Variants in COPS4 observed in about 807,000 individuals in gnomAD.
COPS4 encodes the protein COP9 signalosome subunit 4, also known as COP9 signalosome complex subunit 4.
Under a neutral mutation model 55.1 loss-of-function variants are expected in COPS4, and 8 were observed. The observed-to-expected ratio is 0.15, with a 90% confidence interval of 0.09 to 0.26. COPS4 has a LOEUF of 0.26. Among genes scored for constraint, COPS4 ranks in the 10% least tolerant of loss-of-function variants. COPS4 has a pLI of 1.00. For synonymous variants in COPS4, 185 were observed against 165.7 expected (o/e 1.12, Z -0.90); for missense variants, 248 against 484.0 (o/e 0.51, Z 4.58).
At chr4:83,048,683 C>G (rs1167211357) in intron 2 of COPS4, among the ~76,000 whole-genome samples, 1 of 151,784 alleles carries the variant, frequency 6.6e-6, no homozygotes, top group Non-Finnish European at 1.5e-5. Context: ...GCTCTGTTGC[C>G]CAGGCTGGAG....
chr4:83,075,300 G>A lies in COPS4; in HGVS notation c.1091G>A (p.Arg364Gln), dbSNP rs781739396. The A allele has an allele frequency of 4.3e-6, 7 of 1,612,896 alleles. No individual in the cohort carries two copies. The highest frequency in any genetic ancestry group is 2.2e-5 in the South Asian group (2 of 90,748). Reference sequence around the variant, plus strand: ...TGTACATTTTTTTTCCCCTTAGCACGAGAAGCCCTGCCAACGTGGGATAAG... The same window carrying A: ...TGTACATTTTTTTTCCCCTTAGCACAAGAAGCCCTGCCAACGTGGGATAAG... ...QIDGIVHFET[R>Q]EALPTWDKQI... The change falls in exon 10 of 10, where the codon CGA becomes CAA. Residue 364 changes from arginine (R) to glutamine (Q), a missense_variant. By Grantham distance (43) the Arg-to-Gln change is conservative (BLOSUM62 1). Coordinates refer to ENST00000264389, the MANE Select transcript of COPS4 (RefSeq NM_016129.3).
chr4:83,056,865 T>C (rs763034580), intron 4 of COPS4, 61 bp from the exon 5 acceptor site: 1 of 1,351,808 alleles, frequency 7.4e-7, no homozygotes, highest in Non-Finnish European at 1.0e-6. Flanking sequence ...TATCTTCTAT[T>C]ATTCCTAAAA....
chr4:83,050,013 T>C (rs1295993494), intron 4 of COPS4, 29 bp downstream of exon 4: 3 of 1,312,448 alleles, frequency 2.3e-6, no homozygotes, highest in African/African-American at 3.0e-5. Flanking sequence ...ATTGGATGAC[T>C]ATATATAGGA....
intron 1 of COPS4, among the ~76,000 whole-genome samples, chr4:83,040,452 T>C (rs1730531314): frequency 6.6e-6 from 1 of 152,230 alleles, no homozygotes; most frequent in South Asian, 2.1e-4. Context: ...GGATAGAATT[T>C]GTAACCTTAC....
chr4:83,048,991 A>G (rs537297752), intron 2 of COPS4, among the ~76,000 whole-genome samples, 175 bp from the exon 3 acceptor site: 5 of 152,274 alleles, frequency 3.3e-5, no homozygotes, highest in African/African-American at 1.2e-4. Flanking sequence ...GTATTTCAGC[A>G]TAAGGAAAAC....
intron 3 of COPS4, 69 bp downstream of exon 3, chr4:83,049,386 A>G (rs1730801114): frequency 7.3e-7 from 1 of 1,363,084 alleles, no homozygotes; most frequent in Non-Finnish European, 1.0e-6. Flanking sequence ...TGATATTAGT[A>G]AATTCTTAAA....
chr4:83,042,904 C>G (rs1730603510), intron 1 of COPS4, among the ~76,000 whole-genome samples: 2 of 151,524 alleles, frequency 1.3e-5, no homozygotes, highest in African/African-American at 4.8e-5. Flanking sequence ...CACGCCCAAC[C>G]AATTTTTGTA....
chr4:83,040,868 A>G (rs1052920761), intron 1 of COPS4, among the ~76,000 whole-genome samples: 1 of 150,936 alleles, frequency 6.6e-6, no homozygotes, highest in South Asian at 2.1e-4. Context: ...GTGATCTTAA[A>G]TGATGACTGT....
intron 7 of COPS4, chr4:83,065,083 C>T: frequency 1.5e-6 from 1 of 686,986 alleles, no homozygotes. Flanking sequence ...CCATTTTGCC[C>T]AGGCTGGTCT....
chr4:83,062,924 C>T (rs1170579101), intron 6 of COPS4, 152 bp from the exon 7 acceptor site: 1 of 589,550 alleles, frequency 1.7e-6, no homozygotes, highest in Middle Eastern at 4.7e-4. Context: ...AATTCAGCGT[C>T]GGCAGTGACT....
intron 1 of COPS4, among the ~76,000 whole-genome samples, chr4:83,042,514 TTAA>T (rs1730593052): frequency 7.7e-6 from 1 of 129,696 alleles, no homozygotes; most frequent in South Asian, 2.3e-4. Flanking sequence ...TTTTAATTAA[TTAA>T]TTTTTTTTTT....
At chr4:83,052,480 T>C (rs775822087) in intron 4 of COPS4, among the ~76,000 whole-genome samples, 6 of 152,212 alleles carry the variant, frequency 3.9e-5, no homozygotes, top group Non-Finnish European at 7.3e-5. Flanking sequence ...GCACCACTCC[T>C]CTGATTGCTG....
chr4:83,075,759 G>A lies in COPS4; in HGVS notation c.*329G>A. 1 of 196,032 alleles carries A rather than the reference G, an allele frequency of 5.1e-6. No homozygotes were observed. Among genetic ancestry groups the A allele is most frequent in the Non-Finnish European group, 1.0e-5 (1 of 96,954 alleles). The allele number at this position is 196,032 out of a possible 1,614,324, so 12.1% of individuals were successfully genotyped here. A position where few individuals can be genotyped will look rare whatever the true frequency, so the allele number is the denominator to read the frequency against. ...TTAAGTGCTTCATGCCTCTCCAAAT[G>A]TGGTTATTCTAATAAATGGAGAAAT... is the stretch of plus-strand genomic sequence containing the variant. On this transcript the variant is annotated 3_prime_UTR_variant, in exon 10 of 10. Transcript: ENST00000264389.
chr4:83,041,355 G>T (rs13108657), intron 1 of COPS4, among the ~76,000 whole-genome samples: 1 of 151,450 alleles, frequency 6.6e-6, no homozygotes, highest in Non-Finnish European at 1.5e-5. Flanking sequence ...GAGCCACTGC[G>T]CCCGGCCAAA....
At chr4:83,037,036 T>C (rs1027348308) in intron 1 of COPS4, among the ~76,000 whole-genome samples, 1 of 152,216 alleles carries the variant, frequency 6.6e-6, no homozygotes, top group Admixed American at 6.5e-5. Context: ...CAGGATTCTA[T>C]GGGTTGACTG....
intron 1 of COPS4, among the ~76,000 whole-genome samples, chr4:83,041,212 G>A (rs546580117): frequency 6.6e-6 from 1 of 151,326 alleles, no homozygotes; most frequent in Admixed American, 6.6e-5. Context: ...ACAGGCACAC[G>A]CCACCACGCC....
At chr4:83,041,866 T>C (rs1730576710) in intron 1 of COPS4, among the ~76,000 whole-genome samples, 1 of 151,926 alleles carries the variant, frequency 6.6e-6, no homozygotes, top group East Asian at 1.9e-4. Flanking sequence ...TGTAATTTAA[T>C]ACTTTTTTTT....
At chr4:83,039,872 A>ACTCCT (rs1391551062) in intron 1 of COPS4, among the ~76,000 whole-genome samples, 2 of 152,160 alleles carry the variant, frequency 1.3e-5, no homozygotes, top group Non-Finnish European at 1.5e-5. Flanking sequence ...CCTGGGCTCA[A>ACTCCT]GGGATTCTCC....
At chr4:83,044,507 G>T (rs936735854) in intron 1 of COPS4, among the ~76,000 whole-genome samples, 10 of 151,290 alleles carry the variant, frequency 6.6e-5, no homozygotes, top group African/African-American at 2.4e-4. Context: ...GCCGGGCACG[G>T]TGGCTAACGC....
Sources: allele counts gnomAD v4.1 joint callset (sites outside exome capture counted in the v4.1 genomes callset), GRCh38; gene constraint gnomAD v4.1.1; transcripts MANE v1.5; gene names NCBI Gene and HGNC (gene_info 2026-07-23, HGNC 2026-07-21).